ARHGEF28: variants seen among roughly 807,000 people sequenced by gnomAD.
The protein encoded by ARHGEF28 is Rho guanine nucleotide exchange factor 28.
ARHGEF28 carries 152 observed loss-of-function variants against 206.6 expected under a neutral mutation model. That is an observed-to-expected ratio of 0.74 (90% CI 0.64 to 0.84). The LOEUF (loss-of-function observed/expected upper bound fraction) is 0.84. Ranked by LOEUF, ARHGEF28 falls within the 40% of genes least tolerant of loss-of-function variation. The pLI, the probability that ARHGEF28 is intolerant of heterozygous loss-of-function variation, is 0.00. For synonymous variants in ARHGEF28, 763 were observed against 776.4 expected (o/e 0.98, Z 0.29); for missense variants, 2,028 against 2,073.2 (o/e 0.98, Z 0.42).
chr5:73,835,479 A>C (rs1304617285), intron 10 of ARHGEF28, among the ~76,000 whole-genome samples: 1 of 151,572 alleles, frequency 6.6e-6, no homozygotes, highest in Non-Finnish European at 1.5e-5. Flanking sequence ...CAAAAAAAAA[A>C]AAAAACCCAA....
At chr5:73,808,104 A>G (rs914659400) in intron 9 of ARHGEF28, among the ~76,000 whole-genome samples, 1 of 152,196 alleles carries the variant, frequency 6.6e-6, no homozygotes, top group Non-Finnish European at 1.5e-5. Context: ...AAGAAATTCA[A>G]ACATTTTGTT....
chr5:73,748,799 G>A (rs899618738), intron 2 of ARHGEF28, among the ~76,000 whole-genome samples: 4 of 152,078 alleles, frequency 2.6e-5, no homozygotes, highest in African/African-American at 7.2e-5. Flanking sequence ...GGCAGAATGC[G>A]CTCTCTCTCT....
intron 1 of ARHGEF28, among the ~76,000 whole-genome samples, chr5:73,668,130 C>G (rs925077677): frequency 6.6e-6 from 1 of 152,126 alleles, no homozygotes; most frequent in African/African-American, 2.4e-5. Flanking sequence ...TTACGGCAAT[C>G]TAGGCTTTTT....
intron 1 of ARHGEF28, among the ~76,000 whole-genome samples, chr5:73,667,813 C>T (rs1276108415): frequency 6.6e-6 from 1 of 152,148 alleles, no homozygotes; most frequent in East Asian, 1.9e-4. Context: ...GAATATTATG[C>T]TGCTTAGATA....
chr5:73,927,202 A>T (rs556509908), intron 35 of ARHGEF28, among the ~76,000 whole-genome samples: 1 of 152,120 alleles, frequency 6.6e-6, no homozygotes, highest in South Asian at 2.1e-4. Flanking sequence ...CACTAAAAAA[A>T]AAAATAAAAA....
At chr5:73,873,565 C>T (rs1400599176) in intron 22 of ARHGEF28, among the ~76,000 whole-genome samples, 1 of 152,190 alleles carries the variant, frequency 6.6e-6, no homozygotes, top group Non-Finnish European at 1.5e-5. Context: ...CTTGGAAAGG[C>T]AGGGAGCTCC....
chr5:73,803,230 C>G (rs1379576413), intron 9 of ARHGEF28: 1 of 158,314 alleles, frequency 6.3e-6, no homozygotes, highest in African/African-American at 2.4e-5. Flanking sequence ...TACTCTGATA[C>G]TTCTGATTAG....
intron 12 of ARHGEF28, 119 bp downstream of exon 12, chr5:73,846,594 G>A (rs1275046468): frequency 5.6e-6 from 4 of 718,130 alleles, no homozygotes; most frequent in Non-Finnish European, 8.6e-6. Context: ...CTATTTTTTT[G>A]AGACCCATGT....
chr5:73,721,932 C>A (rs952256638), intron 2 of ARHGEF28, among the ~76,000 whole-genome samples: 3 of 152,190 alleles, frequency 2.0e-5, no homozygotes, highest in Non-Finnish European at 2.9e-5. Flanking sequence ...AAGGGCTCAG[C>A]AGCAGTTTTG....
intron 35 of ARHGEF28, among the ~76,000 whole-genome samples, chr5:73,921,954 A>G (rs963102730): frequency 6.6e-6 from 1 of 152,240 alleles, no homozygotes; most frequent in Non-Finnish European, 1.5e-5. Flanking sequence ...TAACACTGCA[A>G]TAAGGGCATT....
chr5:73,823,587 T>A (rs1756721054), intron 9 of ARHGEF28, among the ~76,000 whole-genome samples: 1 of 152,238 alleles, frequency 6.6e-6, no homozygotes, highest in Non-Finnish European at 1.5e-5. Context: ...ATGTATCTAC[T>A]GTTCTGTGAA....
chr5:73,772,653 A>G lies in ARHGEF28; in HGVS notation c.476-1202A>G, dbSNP rs893520531. ...GTTGGCCTCCCAAAGTGCTGGGATT[A>G]AGGCATTAGCCACCACGCCTGGCCT... On this transcript the variant is annotated intron_variant, in intron 4 of 35. Transcript: ENST00000513042. 2.6e-5 allele frequency among the ~76,000 whole-genome samples: 4 copies of G among 152,246 alleles called. No individual in the cohort carries two copies. The East Asian group carries it at 7.7e-4, about 29-fold the overall frequency.
At chr5:73,784,154 G>A (rs1192564147) in intron 7 of ARHGEF28, among the ~76,000 whole-genome samples, 8 of 150,702 alleles carry the variant, frequency 5.3e-5, no homozygotes, top group African/African-American at 1.9e-4. Flanking sequence ...AAACCCTAAA[G>A]CAAACTTCCT....
At chr5:73,680,462 A>T (rs1374031731) in intron 1 of ARHGEF28, among the ~76,000 whole-genome samples, 1 of 147,348 alleles carries the variant, frequency 6.8e-6, no homozygotes, top group African/African-American at 2.5e-5. Flanking sequence ...AAAAAAAAAA[A>T]GGGATTCACT....
chr5:73,756,323 G>T (rs1307858025), intron 4 of ARHGEF28, among the ~76,000 whole-genome samples: 1 of 152,194 alleles, frequency 6.6e-6, no homozygotes, highest in African/African-American at 2.4e-5. Flanking sequence ...AGATACAATT[G>T]GTTTGGACAA....
intron 35 of ARHGEF28, among the ~76,000 whole-genome samples, chr5:73,914,283 G>A (rs1002000412): frequency 6.6e-6 from 1 of 150,588 alleles, no homozygotes; most frequent in Non-Finnish European, 1.5e-5. Context: ...GAAAGGTCAA[G>A]TAACTTGTCC....
intron 35 of ARHGEF28, among the ~76,000 whole-genome samples, chr5:73,918,695 G>A (rs1352446339): frequency 6.6e-6 from 1 of 152,042 alleles, no homozygotes; most frequent in East Asian, 1.9e-4. Flanking sequence ...CCCAACTCCA[G>A]CTCCCCAAAT....
At chr5:73,765,201 A>G (rs1752829720) in intron 4 of ARHGEF28, among the ~76,000 whole-genome samples, 1 of 152,224 alleles carries the variant, frequency 6.6e-6, no homozygotes, top group South Asian at 2.1e-4. Context: ...TTCATCACAT[A>G]GTGATTTCAT....
At chr5:73,813,430 C>T in intron 9 of ARHGEF28, 1 of 1,386,148 alleles carries the variant, frequency 7.2e-7, no homozygotes, top group Non-Finnish European at 9.4e-7. Flanking sequence ...GGAAGCAAAA[C>T]ATTTATTGCC....
Sources: allele counts gnomAD v4.1 joint callset (sites outside exome capture counted in the v4.1 genomes callset), GRCh38; gene constraint gnomAD v4.1.1; transcripts MANE v1.5; gene names NCBI Gene and HGNC (gene_info 2026-07-23, HGNC 2026-07-21).